The following FYB1 variants were observed in gnomAD, a reference collection of about 807,000 sequenced individuals.
The protein encoded by FYB1 is FYN-binding protein 1.
A neutral mutation model predicts 94.1 loss-of-function variants in FYB1; 41 were observed. The observed-to-expected ratio is 0.44, with a 90% CI of 0.34 to 0.57. The LOEUF is 0.57. Ranked by LOEUF, FYB1 falls within the 20% of genes least tolerant of loss-of-function variation. The probability of loss-of-function intolerance (pLI) is 0.02; values close to 1 mark genes in which losing one functional copy is unlikely to be tolerated. For missense variants in FYB1, 1,050 were observed against 976.8 expected, an observed-to-expected ratio of 1.07 and a Z score of -1.00; for synonymous variants, 367 against 353.2, an observed-to-expected ratio of 1.04 and a Z score of -0.44.
At chr5:39,242,769 G>T (rs185219861) in intron 1 of FYB1, among the ~76,000 whole-genome samples, 1 of 152,156 alleles carries the variant, frequency 6.6e-6, no homozygotes, top group Non-Finnish European at 1.5e-5. Flanking sequence ...GTGTAAAAAT[G>T]TTCCTATTTC....
In FYB1 at chr5:39,136,078, A is replaced by AT. The variant is rs1034300004; in HGVS notation, c.1516-1065dup. Among the ~76,000 whole-genome samples, 654 of 150,986 alleles carry AT rather than the reference A, an allele frequency of 4.3e-3. 7 individuals carry two copies. Among genetic ancestry groups the AT allele is most frequent in the Non-Finnish European group, 6.7e-3 (450 of 67,660 alleles). ...AAAGTATACTATATAGATTTTTGTT[A>AT]TTTTTTTTTGAGATGGAGTCTCGCT... On this transcript the variant is annotated intron_variant, in intron 7 of 18. Transcript: ENST00000512982.
At chr5:39,124,836 A>T (rs1037915857) in intron 12 of FYB1, among the ~76,000 whole-genome samples, 5 of 151,946 alleles carry the variant, frequency 3.3e-5, no homozygotes, top group African/African-American at 1.2e-4. Flanking sequence ...GTGCTCTGAA[A>T]TCAGAATTAA....
intron 2 of FYB1, among the ~76,000 whole-genome samples, chr5:39,189,723 G>A (rs1579616692): frequency 2.6e-5 from 4 of 152,322 alleles, no homozygotes; most frequent in South Asian, 4.1e-4. Flanking sequence ...TTTGAAGGAC[G>A]GAGACTGCCA....
At chr5:39,108,205 C>T in intron 18 of FYB1, 26 bp downstream of exon 18, 1 of 1,508,468 alleles carries the variant, frequency 6.6e-7, no homozygotes, top group South Asian at 1.2e-5. Flanking sequence ...TGACTGTTCT[C>T]TAGGGTGGTA....
chr5:39,253,723 T>G (rs192529110), intron 1 of FYB1, among the ~76,000 whole-genome samples: 108 of 149,328 alleles, frequency 7.2e-4, no homozygotes, highest in African/African-American at 2.6e-3. Context: ...TGTGTTGTAA[T>G]GTATAGGATT....
upstream of FYB1, among the ~76,000 whole-genome samples, chr5:39,222,423 C>A (rs942097264): frequency 1.3e-5 from 2 of 152,172 alleles, no homozygotes; most frequent in African/African-American, 4.8e-5. Context: ...GGGACTCTTG[C>A]TCTTTTTTAA....
At chr5:39,172,625 G>A (rs146378626) in intron 2 of FYB1, among the ~76,000 whole-genome samples, 148 of 152,182 alleles carry the variant, frequency 9.7e-4, no homozygotes, top group Non-Finnish European at 1.9e-3. Context: ...GTGGTCCCCA[G>A]GGTCTATTGT....
chr5:39,128,782 AT>A, intron 10 of FYB1, among the ~76,000 whole-genome samples: 1 of 152,186 alleles, frequency 6.6e-6, no homozygotes, highest in African/African-American at 2.4e-5. Context: ...AAACTAAAGC[AT>A]TTTTTTCATT....
upstream of FYB1, among the ~76,000 whole-genome samples, chr5:39,224,201 C>A (rs1011577102): frequency 1.3e-5 from 2 of 152,184 alleles, no homozygotes; most frequent in African/African-American, 4.8e-5. Context: ...GGTGGCCAAG[C>A]CAGCTCTGCT....
intron 1 of FYB1, among the ~76,000 whole-genome samples, chr5:39,240,038 T>C (rs1751135568): frequency 6.6e-6 from 1 of 152,162 alleles, no homozygotes; most frequent in South Asian, 2.1e-4. Flanking sequence ...TACAACCATC[T>C]AATCTTTAGC....
intron 2 of FYB1, among the ~76,000 whole-genome samples, chr5:39,187,582 T>C (rs953580027): frequency 1.3e-5 from 2 of 152,152 alleles, no homozygotes; most frequent in Non-Finnish European, 2.9e-5. Context: ...AAAGATGCAG[T>C]GTTTTTAGCT....
rs548512084 is a variant in FYB1, at chr5:39,163,701, C to T, written c.1136-10097G>A. On this transcript the variant is annotated intron_variant, in intron 2 of 18. Coordinates refer to ENST00000512982, the MANE Select transcript of FYB1 (RefSeq NM_001465.6). ...CGGTAATTAGACAGGATATTGCTGA[C>T]TTTTGGATCTTTTTTTGGAAGGTTA... Among the ~76,000 whole-genome samples the T allele has an allele frequency of 7.2e-5, 11 of 152,164 alleles. No individual in the cohort carries two copies. The South Asian group carries it at 2.3e-3, about 32-fold the overall frequency.
chr5:39,168,078 CTG>C (rs1277990712), intron 2 of FYB1, among the ~76,000 whole-genome samples: 2 of 152,184 alleles, frequency 1.3e-5, no homozygotes, highest in Admixed American at 1.3e-4. Context: ...AGATGTGTCT[CTG>C]TGTAACTTTC....
At chr5:39,151,953 C>T (rs1743289410) in intron 3 of FYB1, among the ~76,000 whole-genome samples, 1 of 152,162 alleles carries the variant, frequency 6.6e-6, no homozygotes, top group East Asian at 1.9e-4. Context: ...CATCAAGGCC[C>T]ATTTTGGTTT....
intron 2 of FYB1, among the ~76,000 whole-genome samples, chr5:39,199,482 T>C (rs1253489953): frequency 6.6e-6 from 1 of 152,212 alleles, no homozygotes; most frequent in African/African-American, 2.4e-5. Context: ...ACACAAATTG[T>C]TAAATTGATT....
At chr5:39,119,505 T>C (rs746219056) in intron 15 of FYB1, 30 bp downstream of exon 15, 3 of 1,455,216 alleles carry the variant, frequency 2.1e-6, no homozygotes, top group Non-Finnish European at 2.8e-6. Flanking sequence ...TAGTGCTTTG[T>C]ACTTTGTATA....
intron 3 of FYB1, among the ~76,000 whole-genome samples, chr5:39,151,952 C>T (rs1304218203): frequency 1.3e-5 from 2 of 152,090 alleles, no homozygotes; most frequent in Admixed American, 1.3e-4. Context: ...ACATCAAGGC[C>T]CATTTTGGTT....
At chr5:39,112,892 A>G (rs576971551) in intron 16 of FYB1, among the ~76,000 whole-genome samples, 1 of 152,244 alleles carries the variant, frequency 6.6e-6, no homozygotes, top group East Asian at 1.9e-4. Flanking sequence ...CATAAACATC[A>G]ATAATTGGGA....
chr5:39,258,988 A>G (rs1046453332), intron 1 of FYB1, among the ~76,000 whole-genome samples: 7 of 152,136 alleles, frequency 4.6e-5, no homozygotes, highest in African/African-American at 1.7e-4. Flanking sequence ...CTCCTCAGCA[A>G]CATGAAAGGG....
Sources: allele counts gnomAD v4.1 joint callset (sites outside exome capture counted in the v4.1 genomes callset), GRCh38; gene constraint gnomAD v4.1.1; transcripts MANE v1.5; gene names NCBI Gene and HGNC (gene_info 2026-07-23, HGNC 2026-07-21).